The following SH3PXD2A variants were observed in gnomAD, a reference collection of about 807,000 sequenced individuals.
SH3PXD2A encodes SH3 and PX domain-containing protein 2A.
SH3PXD2A carries 32 observed loss-of-function variants against 115.2 expected under a neutral mutation model. That is an observed-to-expected ratio of 0.28 (90% CI 0.21 to 0.37). The LOEUF is 0.37. Among genes scored for constraint, SH3PXD2A ranks in the 10% least tolerant of loss-of-function variants. SH3PXD2A has a pLI of 1.00. For missense variants in SH3PXD2A, 1,328 were observed against 1,498.7 expected (o/e 0.89, Z 1.88); for synonymous variants, 610 against 629.1 (o/e 0.97, Z 0.45).
chr10:103,733,480 A>G (rs1445899379), intron 4 of SH3PXD2A, among the ~76,000 whole-genome samples: 2 of 152,228 alleles, frequency 1.3e-5, no homozygotes, highest in South Asian at 2.1e-4. Context: ...AAAGGAAAAA[A>G]GAGAAATAAA....
intron 4 of SH3PXD2A, among the ~76,000 whole-genome samples, chr10:103,727,790 T>G (rs2134176112): frequency 6.6e-6 from 1 of 152,312 alleles, no homozygotes; most frequent in South Asian, 2.1e-4. Flanking sequence ...CGGGGAGCCC[T>G]GAGGGGAGCC....
intron 5 of SH3PXD2A, among the ~76,000 whole-genome samples, chr10:103,719,807 C>T (rs1380574835): frequency 3.3e-5 from 5 of 149,386 alleles, no homozygotes; most frequent in South Asian, 2.1e-4. Flanking sequence ...GCAACCTCCA[C>T]CTTCTGGGTT....
chr10:103,778,398 C>A (rs1239888086), intron 2 of SH3PXD2A, among the ~76,000 whole-genome samples: 3 of 152,182 alleles, frequency 2.0e-5, no homozygotes, highest in Non-Finnish European at 2.9e-5. Context: ...ACAGAGGAAA[C>A]CCCCAGAAGG....
intron 1 of SH3PXD2A, among the ~76,000 whole-genome samples, chr10:103,845,846 C>T (rs963629969): frequency 6.6e-6 from 1 of 152,124 alleles, no homozygotes; most frequent in Admixed American, 6.5e-5. Flanking sequence ...AGGAAAACAA[C>T]GTAGGTTCTC....
At chr10:103,644,953 T>C (rs1277416618) in intron 8 of SH3PXD2A, among the ~76,000 whole-genome samples, 2 of 152,208 alleles carry the variant, frequency 1.3e-5, no homozygotes, top group African/African-American at 4.8e-5. Context: ...TCTTGCTTTT[T>C]GAATGCACAT....
intron 6 of SH3PXD2A, among the ~76,000 whole-genome samples, chr10:103,674,502 T>A (rs1192949306): frequency 6.6e-6 from 1 of 152,150 alleles, no homozygotes; most frequent in Non-Finnish European, 1.5e-5. Context: ...GGATGGCCAA[T>A]TCGTAATTCT....
At chr10:103,768,223 T>C (rs141695347) in intron 2 of SH3PXD2A, among the ~76,000 whole-genome samples, 28 of 152,338 alleles carry the variant, frequency 1.8e-4, no homozygotes, top group Admixed American at 1.0e-3. Context: ...AAGAATGTCA[T>C]GTGCCAGGGA....
intron 11 of SH3PXD2A, among the ~76,000 whole-genome samples, chr10:103,615,506 GT>G: frequency 9.6e-6 from 1 of 104,664 alleles, no homozygotes; most frequent in South Asian, 2.7e-4. Context: ...GTGTGTGTGT[GT>G]GTGTGTGTGT....
Position 103,702,585 on chromosome 10 carries a change from C to CTGTGTGTGTGCG in SH3PXD2A, c.399-9541_399-9530dup, listed in dbSNP as rs1554913246. On this transcript the variant is annotated intron_variant, in intron 5 of 14. Coordinates refer to ENST00000369774, the MANE Select transcript of SH3PXD2A (RefSeq NM_001394015.1). ...TGCAGGGGCAGGAACAGATGTAAGCCTGTGTGTGTGCGTGTGTGTGTGTGT... is the reference window on the plus strand; with the variant it reads ...TGCAGGGGCAGGAACAGATGTAAGCCTGTGTGTGTGCGTGTGTGTGTGCGTGTGTGTGTGTGT... 4.5e-4 allele frequency among the ~76,000 whole-genome samples: 15 copies of CTGTGTGTGTGCG among 33,002 alleles called. No individual in the cohort carries two copies. In the South Asian group the frequency reaches 0.015, roughly 33 times the overall value. 21.7% of individuals were successfully genotyped at this position (33,002 alleles called of 152,430 possible).
Position 103,769,186 on chromosome 10 carries a change from G to A in SH3PXD2A, c.154-2017C>T, listed in dbSNP as rs1395409852. 1.2e-4 allele frequency among the ~76,000 whole-genome samples: 18 copies of A among 148,948 alleles called. 1 individual carries two copies. Among genetic ancestry groups the A allele is most frequent in the African/African-American group, 3.8e-4 (15 of 39,286 alleles). Reference sequence around the variant, plus strand: ...TGTGTGTGTGTGTGTGTGTGTGCGCGCGCGCGCGCATTTATTTCCATCCAT... The same window carrying A: ...TGTGTGTGTGTGTGTGTGTGTGCGCACGCGCGCGCATTTATTTCCATCCAT... On this transcript the variant is annotated intron_variant, in intron 2 of 14. Transcript: ENST00000369774.
rs1003491214 is a variant in SH3PXD2A at position 103,665,638 on chromosome 10, G to A, written c.472+2970C>T. On this transcript the variant is annotated intron_variant, in intron 7 of 14. Transcript: ENST00000369774. The surrounding 1 kb of genome is among the most constrained non-coding windows in gnomAD (Gnocchi z 4.0). ...TGTTCCCTGGCCAGGGCAGCCGGGC[G>A]GGCGGGAGCTGCGAGCAGGTATCCA... 5.3e-5 allele frequency among the ~76,000 whole-genome samples: 8 copies of A among 152,156 alleles called. No individual in the cohort carries two copies. Among genetic ancestry groups the A allele is most frequent in the African/African-American group, 1.7e-4 (7 of 41,428 alleles).
intron 1 of SH3PXD2A, among the ~76,000 whole-genome samples, chr10:103,837,472 C>T (rs188770464): frequency 6.6e-6 from 1 of 152,306 alleles, no homozygotes; most frequent in African/African-American, 2.4e-5. Context: ...TGACAATTAG[C>T]CCCCTACCTT....
At chr10:103,767,585 G>T (rs868239727) in intron 2 of SH3PXD2A, among the ~76,000 whole-genome samples, 2 of 152,108 alleles carry the variant, frequency 1.3e-5, no homozygotes, top group Non-Finnish European at 2.9e-5. Flanking sequence ...CCAGGATGGG[G>T]GAAGGCCCCA....
At chr10:103,852,423 G>A (rs1267780165) in intron 1 of SH3PXD2A, among the ~76,000 whole-genome samples, 1 of 152,206 alleles carries the variant, frequency 6.6e-6, no homozygotes, top group Non-Finnish European at 1.5e-5. Context: ...TGGGCCCCAG[G>A]CCTCTCATCG....
At chr10:103,704,176 T>G (rs1212399793) in intron 5 of SH3PXD2A, among the ~76,000 whole-genome samples, 1 of 152,042 alleles carries the variant, frequency 6.6e-6, no homozygotes, top group Non-Finnish European at 1.5e-5. Context: ...GAGCTGTGAC[T>G]TGCAGGGGAA....
intron 4 of SH3PXD2A, among the ~76,000 whole-genome samples, chr10:103,726,229 G>T (rs563802586): frequency 4.1e-4 from 62 of 152,348 alleles, no homozygotes; most frequent in African/African-American, 1.4e-3. Flanking sequence ...ACAGGACCCT[G>T]TCCCATACCC....
In SH3PXD2A at chr10:103,605,643, C is replaced by T. The variant is rs968417963; in HGVS notation, c.1428+155G>A. ...TAGTTTAGGCCATGGCACTGGCCAG[C>T]GCCAGGCAGATGCTCATCTTTGTGG... On this transcript the variant is annotated intron_variant, in intron 14 of 14. Coordinates refer to ENST00000369774, the MANE Select transcript of SH3PXD2A (RefSeq NM_001394015.1). Among the ~76,000 whole-genome samples, 6 of 152,162 alleles carry T rather than the reference C, an allele frequency of 3.9e-5. 1 individual carries two copies. Among genetic ancestry groups the T allele is most frequent in the Admixed American group, 3.9e-4 (6 of 15,282 alleles).
chr10:103,681,770 G>C (rs61870181), intron 6 of SH3PXD2A, among the ~76,000 whole-genome samples: 14 of 139,192 alleles, frequency 1.0e-4, no homozygotes, highest in African/African-American at 2.6e-4. Flanking sequence ...GCGCGCGCGC[G>C]CGCACACACA....
intron 1 of SH3PXD2A, among the ~76,000 whole-genome samples, chr10:103,806,005 G>A (rs2039198161): frequency 6.6e-6 from 1 of 152,254 alleles, no homozygotes; most frequent in Non-Finnish European, 1.5e-5. Context: ...GCCGGCCACA[G>A]CCACCCGGCT....
Sources: allele counts gnomAD v4.1 joint callset (sites outside exome capture counted in the v4.1 genomes callset), GRCh38; gene constraint gnomAD v4.1.1; non-coding constraint Gnocchi (gnomAD v3.1); transcripts MANE v1.5; gene names NCBI Gene and HGNC (gene_info 2026-07-23, HGNC 2026-07-21).